Variants in IL1RAPL2 observed in about 807,000 individuals in gnomAD.
IL1RAPL2 encodes interleukin 1 receptor accessory protein like 2.
In IL1RAPL2, 3 loss-of-function variants were observed where a neutral mutation model predicts 44.1. The ratio of observed to expected loss-of-function variants is 0.07; its 90% CI spans 0.03 to 0.18. The LOEUF (loss-of-function observed/expected upper bound fraction) is 0.18, where lower values mean the gene tolerates loss of function less well. Ranked by LOEUF, IL1RAPL2 falls within the 10% of genes least tolerant of loss-of-function variation. The probability of loss-of-function intolerance (pLI) is 1.00; values close to 1 mark genes in which losing one functional copy is unlikely to be tolerated. For synonymous variants in IL1RAPL2, 181 were observed against 178.8 expected, an observed-to-expected ratio of 1.01 and a Z score of -0.10; for missense variants, 391 against 496.4, an observed-to-expected ratio of 0.79 and a Z score of 2.02.
chrX:104,595,772 A>G, intron 1 of IL1RAPL2, among the ~76,000 whole-genome samples: 1 of 112,074 alleles, frequency 8.9e-6, no homozygotes, highest in African/African-American at 3.2e-5. Context: ...TCTCAAAGTT[A>G]GGTAACATTT....
chrX:105,515,378 T>C (rs138462856), intron 6 of IL1RAPL2, among the ~76,000 whole-genome samples: 13 of 112,239 alleles, frequency 1.2e-4, no homozygotes, highest in African/African-American at 4.2e-4. Flanking sequence ...AATCTCAGGC[T>C]GCAAACCTGT....
At chrX:105,035,070 C>T (rs1488269258) in intron 2 of IL1RAPL2, among the ~76,000 whole-genome samples, 2 of 111,603 alleles carry the variant, frequency 1.8e-5, no homozygotes, top group African/African-American at 3.3e-5. Context: ...CCTGGTGTGC[C>T]GTTTTTTTAA....
chrX:105,540,861 TGATATATAATACATA>T (rs1252112981), intron 6 of IL1RAPL2, among the ~76,000 whole-genome samples: 52 of 85,179 alleles, frequency 6.1e-4, no homozygotes, highest in African/African-American at 2.3e-3. Flanking sequence ...ATATTATATA[TGATATATAATACATA>T]CATATATTAT....
intron 5 of IL1RAPL2, among the ~76,000 whole-genome samples, chrX:105,294,635 G>T (rs993785807): frequency 8.9e-6 from 1 of 112,332 alleles, no homozygotes; most frequent in Admixed American, 9.5e-5. Context: ...TAGTGGAGAA[G>T]AGTGAATTGA....
chrX:104,678,784 T>C (rs1299098661), intron 2 of IL1RAPL2, among the ~76,000 whole-genome samples: 5 of 110,561 alleles, frequency 4.5e-5, no homozygotes, highest in Non-Finnish European at 7.6e-5. Flanking sequence ...GGAGAAAACA[T>C]GGACACAGGG....
chrX:105,086,704 A>ATGTG (rs10536420), intron 2 of IL1RAPL2, among the ~76,000 whole-genome samples: 2 of 104,331 alleles, frequency 1.9e-5, no homozygotes, highest in East Asian at 3.0e-4. Context: ...TTGTATATAT[A>ATGTG]TGTGTGTGTG....
chrX:105,698,572 C>T (rs2038095884), intron 6 of IL1RAPL2, among the ~76,000 whole-genome samples: 1 of 111,739 alleles, frequency 8.9e-6, no homozygotes, highest in African/African-American at 3.3e-5. Flanking sequence ...TCCAAGAAAT[C>T]ATCCTGCCAC....
chrX:104,844,514 T>C (rs1921994615), intron 2 of IL1RAPL2, among the ~76,000 whole-genome samples: 1 of 110,842 alleles, frequency 9.0e-6, no homozygotes, highest in African/African-American at 3.3e-5. Flanking sequence ...TTATCCAATT[T>C]TTTTGCTTCC....
At chrX:105,727,517 G>T (rs936495495) in intron 7 of IL1RAPL2, among the ~76,000 whole-genome samples, 4 of 111,446 alleles carry the variant, frequency 3.6e-5, no homozygotes, top group African/African-American at 1.3e-4. Context: ...CAGCAGAAGT[G>T]CTAGTAGTGA....
intron 1 of IL1RAPL2, among the ~76,000 whole-genome samples, chrX:104,582,596 T>TTCTCTTTC (rs1387907561): frequency 1.1e-4 from 6 of 52,188 alleles, no homozygotes; most frequent in Admixed American, 2.3e-4. Context: ...CTTTCTTTCT[T>TTCTCTTTC]TTTCTTTCTT....
chrX:104,867,110 G>T (rs941119806), intron 2 of IL1RAPL2, among the ~76,000 whole-genome samples: 4 of 108,347 alleles, frequency 3.7e-5, no homozygotes, highest in Non-Finnish European at 5.7e-5. Context: ...AGTGGTGGGC[G>T]CCTGTAGTCC....
chrX:105,245,169 C>T (rs1196055330), intron 4 of IL1RAPL2, among the ~76,000 whole-genome samples: 4 of 112,132 alleles, frequency 3.6e-5, no homozygotes, highest in African/African-American at 1.3e-4. Context: ...TTGCATGATC[C>T]GTTTTCCAGG....
intron 2 of IL1RAPL2, among the ~76,000 whole-genome samples, chrX:104,682,200 A>G (rs1256712033): frequency 9.0e-6 from 1 of 111,692 alleles, no homozygotes; most frequent in Non-Finnish European, 1.9e-5. Flanking sequence ...GTGGTAATAT[A>G]TTTTCTGTGA....
At chrX:105,187,614 G>A (rs782446921) in intron 2 of IL1RAPL2, among the ~76,000 whole-genome samples, 41 of 111,911 alleles carry the variant, frequency 3.7e-4, no homozygotes, top group Non-Finnish European at 6.9e-4. Context: ...ATTATGTTAA[G>A]TGAAATAAGC....
At chrX:105,638,024 C>T (rs1463502863) in intron 6 of IL1RAPL2, among the ~76,000 whole-genome samples, 1 of 110,934 alleles carries the variant, frequency 9.0e-6, no homozygotes. Flanking sequence ...AATTATTTGC[C>T]ACACCCCCTC....
chrX:104,648,860 G>A (rs1193401812), intron 1 of IL1RAPL2, among the ~76,000 whole-genome samples: 1 of 111,138 alleles, frequency 9.0e-6, no homozygotes, highest in Non-Finnish European at 1.9e-5. Flanking sequence ...CCCAAAGCTG[G>A]GGACTATGAT....
At chrX:104,653,050 T>C (rs1277261765) in intron 1 of IL1RAPL2, among the ~76,000 whole-genome samples, 4 of 110,604 alleles carry the variant, frequency 3.6e-5, no homozygotes, top group African/African-American at 1.3e-4. Context: ...TTCTCCTTGG[T>C]TGGTCACAAT....
At chrX:104,733,674 TAAAAC>T (rs1379057774) in intron 2 of IL1RAPL2, among the ~76,000 whole-genome samples, 1 of 106,324 alleles carries the variant, frequency 9.4e-6, no homozygotes, top group African/African-American at 3.4e-5. Flanking sequence ...TGCAAACTGT[TAAAAC>T]TAAAAAGAGT....
intron 2 of IL1RAPL2, among the ~76,000 whole-genome samples, chrX:104,660,897 C>T (rs1930385106): frequency 9.6e-6 from 1 of 104,151 alleles, no homozygotes; most frequent in Non-Finnish European, 1.9e-5. Context: ...CATGCCACTG[C>T]ACTCCAGCCT....
Sources: allele counts gnomAD v4.1 joint callset (sites outside exome capture counted in the v4.1 genomes callset), GRCh38; gene constraint gnomAD v4.1.1; transcripts MANE v1.5; gene names NCBI Gene and HGNC (gene_info 2026-07-23, HGNC 2026-07-21).